FBXL17: variants seen among roughly 807,000 people sequenced by gnomAD.
The protein encoded by FBXL17 is F-box and leucine rich repeat protein 17, also known as F-box/LRR-repeat protein 17.
A neutral mutation model predicts 66.2 loss-of-function variants in FBXL17; 22 were observed. That is an observed-to-expected ratio of 0.33 (90% CI 0.24 to 0.47). The LOEUF is 0.47. Ranked by LOEUF, FBXL17 falls within the 20% of genes least tolerant of loss-of-function variation. FBXL17 has a pLI of 1.00. For synonymous variants in FBXL17, 474 were observed against 400.5 expected (o/e 1.18, Z -2.19); for missense variants, 878 against 948.2 (o/e 0.93, Z 0.97).
intron 5 of FBXL17, among the ~76,000 whole-genome samples, chr5:108,188,692 C>T (rs994581632): frequency 1.3e-5 from 2 of 152,166 alleles, no homozygotes; most frequent in African/African-American, 4.8e-5. Flanking sequence ...CCTTGGTCAA[C>T]TCCCTCAGTT....
At chr5:108,242,636 A>G (rs1387815294) in intron 4 of FBXL17, among the ~76,000 whole-genome samples, 1 of 152,228 alleles carries the variant, frequency 6.6e-6, no homozygotes, top group Non-Finnish European at 1.5e-5. Flanking sequence ...ACAAAAAATG[A>G]AAGTTGACAA....
At chr5:108,190,816 C>T (rs1289462599) in intron 5 of FBXL17, among the ~76,000 whole-genome samples, 1 of 152,146 alleles carries the variant, frequency 6.6e-6, no homozygotes, top group Non-Finnish European at 1.5e-5. Context: ...ATTGTCTTTA[C>T]AGCTAGCTTT....
chr5:107,870,027 A>G (rs902216816), intron 8 of FBXL17, among the ~76,000 whole-genome samples: 8 of 152,184 alleles, frequency 5.3e-5, no homozygotes, highest in African/African-American at 1.9e-4. Context: ...TTACCTGAAG[A>G]TCTTTTAAAA....
At chr5:108,274,252 C>T (rs1158964254) in intron 4 of FBXL17, among the ~76,000 whole-genome samples, 1 of 152,172 alleles carries the variant, frequency 6.6e-6, no homozygotes, top group Non-Finnish European at 1.5e-5. Flanking sequence ...TATCTCACCT[C>T]TGCAGTCTCG....
chr5:108,001,645 C>T (rs12513616), intron 7 of FBXL17, among the ~76,000 whole-genome samples: 26,804 of 151,836 alleles, frequency 0.18, 2,725 homozygotes, highest in Non-Finnish European at 0.23. Flanking sequence ...GGACTACAGG[C>T]GCCTGCCAGC....
chr5:108,281,564 T>C (rs914289738), intron 4 of FBXL17, among the ~76,000 whole-genome samples: 18 of 151,946 alleles, frequency 1.2e-4, no homozygotes, highest in African/African-American at 4.1e-4. Flanking sequence ...TTGCATTAAA[T>C]GCCTAGATCA....
chr5:108,269,787 C>T (rs1260423698), intron 4 of FBXL17, among the ~76,000 whole-genome samples: 3 of 152,006 alleles, frequency 2.0e-5, no homozygotes, highest in South Asian at 2.1e-4. Flanking sequence ...CACAAAAAAG[C>T]TATTCAATAA....
intron 2 of FBXL17, among the ~76,000 whole-genome samples, chr5:108,366,802 A>T (rs1748697219): frequency 6.6e-6 from 1 of 152,138 alleles, no homozygotes; most frequent in Non-Finnish European, 1.5e-5. Flanking sequence ...CCAATGAAGG[A>T]GAAAAACAGA....
rs190862292 is a variant in FBXL17 at position 108,214,460 on chromosome 5, C to T, written c.1614+9661G>A. 3.0e-4 allele frequency among the ~76,000 whole-genome samples: 46 copies of T among 151,518 alleles called. No individual in the cohort carries two copies. The South Asian group carries it at 7.1e-3, about 23-fold the overall frequency. On this transcript the variant is annotated intron_variant, in intron 5 of 8. Transcript: ENST00000542267. ...TTGGCTCACTGCAACCTCCACCTCC[C>T]GGGTTCAAGAGATTCTCCTGCCTCA...
At chr5:107,990,773 T>A (rs1441381938) in intron 7 of FBXL17, among the ~76,000 whole-genome samples, 1 of 152,122 alleles carries the variant, frequency 6.6e-6, no homozygotes, top group Non-Finnish European at 1.5e-5. Flanking sequence ...AACAGAAACA[T>A]GAAAGACAAG....
chr5:107,941,578 A>C (rs999243889), intron 7 of FBXL17, among the ~76,000 whole-genome samples: 4 of 152,294 alleles, frequency 2.6e-5, no homozygotes, highest in Admixed American at 2.6e-4. Context: ...TGCAAACTTT[A>C]GTGCTTGGGA....
intron 3 of FBXL17, among the ~76,000 whole-genome samples, chr5:108,354,429 C>A: frequency 6.6e-6 from 1 of 151,054 alleles, no homozygotes; most frequent in African/African-American, 2.4e-5. Context: ...TAGAAAGTTC[C>A]AAAACTGAAA....
At chr5:108,348,029 A>G (rs1561544231) in intron 4 of FBXL17, among the ~76,000 whole-genome samples, 2 of 152,214 alleles carry the variant, frequency 1.3e-5, no homozygotes, top group Non-Finnish European at 2.9e-5. Context: ...ACAATAAAAA[A>G]AATTCTAACT....
chr5:107,955,911 C>T (rs1014796746), intron 7 of FBXL17, among the ~76,000 whole-genome samples: 2 of 152,108 alleles, frequency 1.3e-5, no homozygotes, highest in East Asian at 3.9e-4. Flanking sequence ...ATTCTGATCC[C>T]ATGAAAATAA....
At chr5:108,247,033 TCAC>T (rs1756131798) in intron 4 of FBXL17, among the ~76,000 whole-genome samples, 1 of 152,118 alleles carries the variant, frequency 6.6e-6, no homozygotes, top group Non-Finnish European at 1.5e-5. Context: ...TCACAAATGT[TCAC>T]CACCAACTAC....
At chr5:108,150,589 T>C (rs1691950455) in intron 6 of FBXL17, among the ~76,000 whole-genome samples, 1 of 152,210 alleles carries the variant, frequency 6.6e-6, no homozygotes, top group Non-Finnish European at 1.5e-5. Flanking sequence ...CTCCTTTAAT[T>C]TTTGCTCTTG....
intron 6 of FBXL17, among the ~76,000 whole-genome samples, chr5:108,150,122 T>C (rs184532258): frequency 2.0e-5 from 3 of 152,298 alleles, no homozygotes; most frequent in Non-Finnish European, 4.4e-5. Flanking sequence ...ATTTCAAACA[T>C]CATAACATGT....
rs35346820 is a variant in FBXL17 at position 108,264,214 on chromosome 5, CAAAAAAA to C, written c.1507-39993_1507-39987del. On this transcript the variant is annotated intron_variant, in intron 4 of 8. Transcript: ENST00000542267. Reference sequence around the variant, plus strand: ...TGGGCGACAGAGTGAGACTCTTTCTCAAAAAAAAAAAAAAAAAAAAAAAAAAATCTCT... The same window carrying C: ...TGGGCGACAGAGTGAGACTCTTTCTCAAAAAAAAAAAAAAAAAAAATCTCT... 5.4e-4 allele frequency among the ~76,000 whole-genome samples: 30 copies of C among 55,526 alleles called. No individual in the cohort carries two copies. The Admixed American group carries it at 6.2e-3, about 11-fold the overall frequency. 36.4% of individuals were successfully genotyped at this position (55,526 alleles called of 152,430 possible).
In FBXL17 at chr5:107,881,147, T is replaced by C. The variant is rs1561515988; in HGVS notation, c.1855A>G (p.Ile619Val). ...LIAIGRYSMT[I>V]ETVDVGWCKE... ...CACCATCCGACATCCACAGTCTCTA[T>C]TGTCATGCTGTATCGCCCAATGGCT... The change falls in exon 8 of 9, where the codon ATA becomes GTA. Residue 619 changes from isoleucine (I) to valine (V), a missense_variant. Transcript: ENST00000542267. 1.5e-5 allele frequency: 24 copies of C among 1,613,022 alleles called. No individual in the cohort carries two copies. The highest frequency in any genetic ancestry group is 1.9e-5 in the Non-Finnish European group (22 of 1,179,430).
Sources: allele counts gnomAD v4.1 joint callset (sites outside exome capture counted in the v4.1 genomes callset), GRCh38; gene constraint gnomAD v4.1.1; transcripts MANE v1.5; gene names NCBI Gene and HGNC (gene_info 2026-07-23, HGNC 2026-07-21).